The following CALN1 variants were observed in gnomAD, a reference collection of about 807,000 sequenced individuals.
CALN1 encodes calneuron 1.
A neutral mutation model predicts 30.6 loss-of-function variants in CALN1; 17 were observed. That is an observed-to-expected ratio of 0.56 (90% CI 0.38 to 0.83). CALN1 has a LOEUF of 0.83. Ranked by LOEUF, CALN1 falls within the 40% of genes least tolerant of loss-of-function variation. The probability of loss-of-function intolerance (pLI) is 0.00; values close to 1 mark genes in which losing one functional copy is unlikely to be tolerated. For missense variants in CALN1, 291 were observed against 354.9 expected (o/e 0.82, Z 1.45); for synonymous variants, 156 against 131.4 (o/e 1.19, Z -1.28).
rs1298706157 is a variant in CALN1 at position 72,334,523 on chromosome 7, C to G, written c.120-55713G>C. ...GTTGTCATCCACCCCTCAACCTGTACCCCCCCTCCCCTTACAGAGGAAAGG... is the reference window on the plus strand; with the variant it reads ...GTTGTCATCCACCCCTCAACCTGTAGCCCCCCTCCCCTTACAGAGGAAAGG... On this transcript the variant is annotated intron_variant, in intron 2 of 6. Coordinates refer to ENST00000395275, the MANE Select transcript of CALN1 (RefSeq NM_031468.4). 2.7e-5 allele frequency among the ~76,000 whole-genome samples: 4 copies of G among 149,380 alleles called. No homozygotes were observed. The South Asian group carries it at 8.3e-4, about 31-fold the overall frequency.
At chr7:71,803,299 G>A (rs1005800049) in intron 6 of CALN1, among the ~76,000 whole-genome samples, 2 of 152,154 alleles carry the variant, frequency 1.3e-5, no homozygotes, top group East Asian at 3.9e-4. Context: ...CCATCGGGAA[G>A]CCAGGTGTGA....
chr7:71,947,853 T>C (rs1796483793), intron 5 of CALN1, among the ~76,000 whole-genome samples: 1 of 151,132 alleles, frequency 6.6e-6, no homozygotes, highest in African/African-American at 2.4e-5. Context: ...GGAAGGAGAA[T>C]TACTTGAACC....
At chr7:72,378,822 C>T (rs1257016713) in intron 2 of CALN1, among the ~76,000 whole-genome samples, 1 of 152,094 alleles carries the variant, frequency 6.6e-6, no homozygotes, top group African/African-American at 2.4e-5. Context: ...CCTGCCTCCG[C>T]CTCCCAAAGT....
At chr7:72,447,979 C>T (rs1020083679), upstream of CALN1, among the ~76,000 whole-genome samples, 4 of 117,506 alleles carry the variant, frequency 3.4e-5, no homozygotes, top group African/African-American at 1.4e-4. Flanking sequence ...CCTGCCCATG[C>T]ACACACACAC....
intron 5 of CALN1, among the ~76,000 whole-genome samples, chr7:71,935,416 T>G (rs1357170175): frequency 6.6e-6 from 1 of 152,158 alleles, no homozygotes; most frequent in African/African-American, 2.4e-5. Flanking sequence ...GAATTAGCAG[T>G]GGTAGATGGA....
In CALN1 at chr7:71,782,551, A is replaced by G. The variant is rs769833183; in HGVS notation, c.*5224T>C. The G allele has an allele frequency of 1.3e-5, 2 of 152,184 alleles. No homozygotes were observed. Among genetic ancestry groups the G allele is most frequent in the Non-Finnish European group, 1.5e-5 (1 of 68,022 alleles). The allele number at this position is 152,184 out of a possible 1,614,324, so 9.4% of individuals were successfully genotyped here. A position where few individuals can be genotyped will look rare whatever the true frequency, so the allele number is the denominator to read the frequency against. ...AAAACGGACTAACATACACCTATTT[A>G]TGGCAGGGCCAAAAAATTGAGGACA... On this transcript the variant is annotated 3_prime_UTR_variant, in exon 7 of 7. Transcript: ENST00000395275.
At chr7:72,002,524 G>C (rs1799578068) in intron 5 of CALN1, among the ~76,000 whole-genome samples, 1 of 152,028 alleles carries the variant, frequency 6.6e-6, no homozygotes, top group South Asian at 2.1e-4. Flanking sequence ...CATAAGTCAG[G>C]AAATGTTGGT....
At chr7:72,189,437 G>A (rs556223005) in intron 3 of CALN1, among the ~76,000 whole-genome samples, 1 of 152,330 alleles carries the variant, frequency 6.6e-6, no homozygotes, top group East Asian at 1.9e-4. Context: ...GCTTTAGTTA[G>A]GAATAAGTGT....
At chr7:72,219,651 A>G (rs1371621018) in intron 3 of CALN1, among the ~76,000 whole-genome samples, 1 of 150,572 alleles carries the variant, frequency 6.6e-6, no homozygotes, top group Non-Finnish European at 1.5e-5. Context: ...ACACACACAC[A>G]CGCACACACA....
chr7:72,197,205 G>C (rs1227569325), intron 3 of CALN1, among the ~76,000 whole-genome samples: 2 of 44,874 alleles, frequency 4.5e-5, no homozygotes, highest in Non-Finnish European at 6.8e-5. Context: ...TTTTTTTTGA[G>C]ACAGAGTCTC....
At chr7:72,396,235 T>TAAAAAAAAAAAAAAAAAAA (rs55683543) in intron 2 of CALN1, among the ~76,000 whole-genome samples, 35 of 53,308 alleles carry the variant, frequency 6.6e-4, no homozygotes, top group South Asian at 1.7e-3. Context: ...TTGTCTCTAC[T>TAAAAAAAAAAAAAAAAAAA]AAAAAAAAAA....
At chr7:72,147,192 C>T (rs563853459) in intron 3 of CALN1, among the ~76,000 whole-genome samples, 58 of 152,028 alleles carry the variant, frequency 3.8e-4, no homozygotes, top group African/African-American at 1.0e-3. Context: ...ACCTACAGCA[C>T]GGGAGAAAAT....
chr7:72,104,518 C>A (rs1315133532), intron 4 of CALN1, among the ~76,000 whole-genome samples: 1 of 152,144 alleles, frequency 6.6e-6, no homozygotes, highest in African/African-American at 2.4e-5. Context: ...TTAAGCCCAG[C>A]ACCCATTAGC....
intron 4 of CALN1, among the ~76,000 whole-genome samples, chr7:72,083,317 C>A (rs1329580485): frequency 6.6e-6 from 1 of 152,076 alleles, no homozygotes; most frequent in African/African-American, 2.4e-5. Flanking sequence ...GATAAATGTG[C>A]CAAAGATCTC....
chr7:72,193,835 T>A (rs1157688968), intron 3 of CALN1, among the ~76,000 whole-genome samples: 1 of 152,210 alleles, frequency 6.6e-6, no homozygotes, highest in Non-Finnish European at 1.5e-5. Context: ...TGGAGACCAT[T>A]ATTCTAAGTG....
At chr7:72,272,090 G>C (rs1339796622) in intron 3 of CALN1, among the ~76,000 whole-genome samples, 1 of 151,206 alleles carries the variant, frequency 6.6e-6, no homozygotes, top group African/African-American at 2.4e-5. Flanking sequence ...ATCTAGAGGA[G>C]GCAAATAGGG....
In CALN1 at chr7:72,368,225, G is replaced by GAT. The variant is rs375433041; in HGVS notation, c.119+35024_119+35025dup. ...TGTGTGTATATATATCTATGTGCGT[G>GAT]ATATATATATCTAGGATGCTAGTAA... On this transcript the variant is annotated intron_variant, in intron 2 of 6. Coordinates refer to ENST00000395275, the MANE Select transcript of CALN1 (RefSeq NM_031468.4). 2.1e-3 allele frequency among the ~76,000 whole-genome samples: 312 copies of GAT among 150,524 alleles called. 1 individual carries two copies. The highest frequency in any genetic ancestry group is 6.6e-3 in the African/African-American group (271 of 40,918).
At chr7:71,845,190 G>A (rs1327096347) in intron 5 of CALN1, among the ~76,000 whole-genome samples, 1 of 152,136 alleles carries the variant, frequency 6.6e-6, no homozygotes, top group Non-Finnish European at 1.5e-5. Context: ...GGCAGAATGT[G>A]TCTTACTTGT....
intron 5 of CALN1, among the ~76,000 whole-genome samples, chr7:71,951,745 T>C (rs1470211358): frequency 1.3e-5 from 2 of 152,222 alleles, no homozygotes; most frequent in Non-Finnish European, 2.9e-5. Context: ...CATACCCTAC[T>C]AAGACAAAAC....
Sources: allele counts gnomAD v4.1 joint callset (sites outside exome capture counted in the v4.1 genomes callset), GRCh38; gene constraint gnomAD v4.1.1; transcripts MANE v1.5; gene names NCBI Gene and HGNC (gene_info 2026-07-23, HGNC 2026-07-21).